Variants in FBH1 observed in about 807,000 individuals in gnomAD.
FBH1 encodes DNA 3'-5' helicase 1.
A neutral mutation model predicts 115.5 loss-of-function variants in FBH1; 43 were observed. The observed-to-expected ratio is 0.37, with a 90% CI of 0.29 to 0.48. The LOEUF is 0.48. Among genes scored for constraint, FBH1 ranks in the 20% least tolerant of loss-of-function variants. The probability of loss-of-function intolerance (pLI) is 0.99; values close to 1 mark genes in which losing one functional copy is unlikely to be tolerated. For missense variants in FBH1, 1,001 were observed against 1,337.3 expected, an observed-to-expected ratio of 0.75 and a Z score of 3.92; for synonymous variants, 524 against 507.8, an observed-to-expected ratio of 1.03 and a Z score of -0.43.
At position 5,906,507 on chromosome 10, in the gene FBH1, A is replaced by G; in HGVS notation, c.628A>G (p.Ser210Gly). 1 of 1,614,036 alleles carries G rather than the reference A, an allele frequency of 6.2e-7. No homozygotes were observed. The change falls in exon 3 of 21, where the codon AGC (serine) becomes GGC (glycine). Residue 210 changes from serine to glycine, a missense_variant. Coordinates refer to ENST00000362091, the MANE Select transcript of FBH1 (RefSeq NM_178150.3). The surrounding 1 kb of genome is among the most constrained non-coding windows in gnomAD (Gnocchi z 7.3). Reference protein sequence around the residue: ...LGTLPCQEALSHICSLPSEVL... With the variant: ...LGTLPCQEALGHICSLPSEVL... Reference sequence around the variant, plus strand: ...GACCTTGCCCTGCCAGGAAGCACTGAGCCACATTTGCAGCCTGCCTAGTGA... The same window carrying G: ...GACCTTGCCCTGCCAGGAAGCACTGGGCCACATTTGCAGCCTGCCTAGTGA...
rs1404562933 is a variant in FBH1 at position 5,906,488 on chromosome 10, G to T, written c.609G>T (p.Leu203Phe). The T allele has an allele frequency of 6.2e-7, 1 of 1,614,082 alleles. No homozygotes were observed. Among genetic ancestry groups the T allele is most frequent in the Non-Finnish European group, 8.5e-7 (1 of 1,180,006 alleles). ...PDSYYGLLGT[L>F]PCQEALSHIC... ...CATACTATGGGCTTCTTGGGACCTT[G>T]CCCTGCCAGGAAGCACTGAGCCACA... Residue 203 changes from leucine (L) to phenylalanine (F), a missense_variant, in exon 3 of 21, where the codon TTG becomes TTT. Physicochemically the swap from Leu to Phe is conservative, Grantham distance 22. Coordinates refer to ENST00000362091, the MANE Select transcript of FBH1 (RefSeq NM_178150.3). This position sits in a 1 kb window ranked among gnomAD's most constrained non-coding sequence, Gnocchi z 7.3.
chr10:5,914,405 C>G lies in FBH1; in HGVS notation c.1396+136C>G, dbSNP rs1289836294. The G allele has an allele frequency of 2.7e-6, 2 of 746,158 alleles. No individual in the cohort carries two copies. The highest frequency in any genetic ancestry group is 5.1e-5 in the Admixed American group (2 of 38,862). The allele number at this position is 746,158 out of a possible 1,614,324, so 46.2% of individuals were successfully genotyped here. A position where few individuals can be genotyped will look rare whatever the true frequency, so the allele number is the denominator to read the frequency against. ...ATAATTCAATAACAGATCAAATAAT[C>G]AATCTCAAAAGCAATTGGCCAAGGA... is the stretch of plus-strand genomic sequence containing the variant. On this transcript the variant is annotated intron_variant, in intron 8 of 20. Transcript: ENST00000362091. This position sits in a 1 kb window ranked among gnomAD's most constrained non-coding sequence, Gnocchi z 5.2.
At position 5,925,637 on chromosome 10, in the gene FBH1, C is replaced by G; in HGVS notation, c.2722+145C>G. 1 of 1,210,780 alleles carries G rather than the reference C, an allele frequency of 8.3e-7. No individual in the cohort carries two copies. The highest frequency in any genetic ancestry group is 1.1e-6 in the Non-Finnish European group (1 of 871,772). The allele number at this position is 1,210,780 out of a possible 1,614,324, so 75.0% of individuals were successfully genotyped here. A position where few individuals can be genotyped will look rare whatever the true frequency, so the allele number is the denominator to read the frequency against. On this transcript the variant is annotated intron_variant, in intron 18 of 20. Transcript: ENST00000362091. This position sits in a 1 kb window ranked among gnomAD's most constrained non-coding sequence, Gnocchi z 4.6. ...GAAAAACTAAACCACAAAACACCTC[C>G]TAGTCCTAAACTTTTGATTCTTATA...
chr10:5,893,889 A>T, intron 1 of FBH1: 1 of 692,840 alleles, frequency 1.4e-6, no homozygotes, highest in Non-Finnish European at 1.8e-6. Flanking sequence ...TTGACTGTAG[A>T]AAAAGCCTTT....
rs1332840636 is a variant in FBH1 at position 5,917,335 on chromosome 10, C to T, written c.1789-85C>T. 2 of 1,117,026 alleles carry T rather than the reference C, an allele frequency of 1.8e-6. No individual in the cohort carries two copies. Among genetic ancestry groups the T allele is most frequent in the South Asian group, 1.3e-5 (1 of 75,794 alleles). 69.2% of individuals were successfully genotyped at this position (1,117,026 alleles called of 1,614,324 possible). On this transcript the variant is annotated intron_variant, in intron 10 of 20. Transcript: ENST00000362091. This position sits in a 1 kb window ranked among gnomAD's most constrained non-coding sequence, Gnocchi z 5.6. Reference sequence around the variant, plus strand: ...CTGTGAGGATGCCCTGGCTCCACTGCTGTATGGGAGTTGACAGTGTGACCG... The same window carrying T: ...CTGTGAGGATGCCCTGGCTCCACTGTTGTATGGGAGTTGACAGTGTGACCG...
rs1832506867 is a variant in FBH1, at chr10:5,924,378, G to A, written c.2466G>A (p.Lys822=). Residue 822 remains lysine, a synonymous_variant, in exon 17 of 21, where the codon AAG becomes AAA. Coordinates refer to ENST00000362091, the MANE Select transcript of FBH1 (RefSeq NM_178150.3). This position sits in a 1 kb window ranked among gnomAD's most constrained non-coding sequence, Gnocchi z 6.2. ...WVHKEGFSGF[K]RYVTAAEDKE... is the part of the protein sequence containing the mutation. ...ACAAAGAAGGCTTTAGTGGCTTCAA[G>A]AGGTATGTGACCGCTGCCGAGGACA... 9.3e-6 allele frequency: 15 copies of A among 1,614,230 alleles called. No individual in the cohort carries two copies. Among genetic ancestry groups the A allele is most frequent in the Non-Finnish European group, 1.3e-5 (15 of 1,180,040 alleles).
rs183273539 is a variant in FBH1 at position 5,917,201 on chromosome 10, C to T, written c.1789-219C>T. 36 of 571,166 alleles carry T rather than the reference C, an allele frequency of 6.3e-5. No homozygotes were observed. The highest frequency in any genetic ancestry group is 7.6e-5 in the Non-Finnish European group (24 of 317,616). 35.4% of individuals were successfully genotyped at this position (571,166 alleles called of 1,614,324 possible). ...AACTGTTATGATCTCTGTCCTGTCA[C>T]GGGCATGGCACGGCCCGGCTGCTTC... is the stretch of plus-strand genomic sequence containing the variant. On this transcript the variant is annotated intron_variant, in intron 10 of 20. Coordinates refer to ENST00000362091, the MANE Select transcript of FBH1 (RefSeq NM_178150.3). The surrounding 1 kb of genome is among the most constrained non-coding windows in gnomAD (Gnocchi z 5.6).
chr10:5,894,553 T>A, intron 1 of FBH1: 1 of 808,994 alleles, frequency 1.2e-6, no homozygotes. Context: ...GGCACAATTG[T>A]AGGATTGCTT....
Position 5,937,457 on chromosome 10 carries a change from G to T in FBH1, c.*177G>T. The T allele has an allele frequency of 1.9e-6, 1 of 523,062 alleles. No individual in the cohort carries two copies. Among genetic ancestry groups the T allele is most frequent in the Non-Finnish European group, 3.1e-6 (1 of 325,342 alleles). The allele number at this position is 523,062 out of a possible 1,614,324, so 32.4% of individuals were successfully genotyped here. On this transcript the variant is annotated 3_prime_UTR_variant, in exon 21 of 21. Transcript: ENST00000362091. ...TTTCTCCACTCCCTACAGACAGCCA[G>T]TCTCCACTTGCCTCCCCTCTGGATG... is the stretch of plus-strand genomic sequence containing the variant.
rs1305151788 is a variant in FBH1, at chr10:5,900,638, T to G, written c.2-2382T>G. On this transcript the variant is annotated intron_variant, in intron 1 of 20. Coordinates refer to ENST00000362091, the MANE Select transcript of FBH1 (RefSeq NM_178150.3). The surrounding 1 kb of genome is among the most constrained non-coding windows in gnomAD (Gnocchi z 4.2). ...AATTGATTTTGGAAAAGTCTTAAAA[T>G]ATTCATGAAGTTTTTTTTTAAAAAA... is the stretch of plus-strand genomic sequence containing the variant. 6.6e-6 allele frequency among the ~76,000 whole-genome samples: 1 copy of G among 152,232 alleles called. No individual in the cohort carries two copies. The highest frequency in any genetic ancestry group is 1.5e-5 in the Non-Finnish European group (1 of 68,042).
intron 1 of FBH1, among the ~76,000 whole-genome samples, chr10:5,898,830 CAGAGTT>C (rs1269621482): frequency 6.6e-6 from 1 of 152,222 alleles, no homozygotes; most frequent in East Asian, 1.9e-4. Context: ...TATCTACATA[CAGAGTT>C]ACAGCAGTGA....
rs556423802 is a variant in FBH1, at chr10:5,917,524, T to A, written c.1876+17T>A. The A allele has an allele frequency of 2.8e-5, 45 of 1,613,900 alleles. No individual in the cohort carries two copies. In the African/African-American group the frequency reaches 5.3e-4, roughly 19 times the overall value. On this transcript the variant is annotated intron_variant, in intron 11 of 20. Transcript: ENST00000362091. The surrounding 1 kb of genome is among the most constrained non-coding windows in gnomAD (Gnocchi z 5.6). ...CTCATGACGGTAGGCGGCTGCCGAA[T>A]GGCGGGGACTGGCCAATGGGACTGC...
chr10:5,919,363 G>T (rs763547377), intron 13 of FBH1, among the ~76,000 whole-genome samples: 6 of 152,112 alleles, frequency 3.9e-5, no homozygotes, highest in Non-Finnish European at 8.8e-5. Flanking sequence ...GCTCCCGCCT[G>T]TAGTGTCAGC....
rs1435261725 is a variant in FBH1, at chr10:5,933,784, A to T, written c.2830-2672A>T. 6.6e-6 allele frequency among the ~76,000 whole-genome samples: 1 copy of T among 151,962 alleles called. No homozygotes were observed. Among genetic ancestry groups the T allele is most frequent in the African/African-American group, 2.4e-5 (1 of 41,356 alleles). On this transcript the variant is annotated intron_variant, in intron 19 of 20. Transcript: ENST00000362091. This position sits in a 1 kb window ranked among gnomAD's most constrained non-coding sequence, Gnocchi z 4.9. ...CAGCCTCTCAAGTAGCTGGTAGTAC[A>T]GGTGTACACCACCATACCTGGCTAA...
In FBH1 at chr10:5,933,031, T is replaced by C. The variant is rs1833049261; in HGVS notation, c.2830-3425T>C. On this transcript the variant is annotated intron_variant, in intron 19 of 20. Transcript: ENST00000362091. This position sits in a 1 kb window ranked among gnomAD's most constrained non-coding sequence, Gnocchi z 4.9. Reference sequence around the variant, plus strand: ...TGCACCTGGCCAAGTGTGACTTTTCTAGATGTTGCCAATTTTTTCATGGAG... The same window carrying C: ...TGCACCTGGCCAAGTGTGACTTTTCCAGATGTTGCCAATTTTTTCATGGAG... Among the ~76,000 whole-genome samples the C allele has an allele frequency of 6.6e-6, 1 of 152,156 alleles. No individual in the cohort carries two copies. The highest frequency in any genetic ancestry group is 1.5e-5 in the Non-Finnish European group (1 of 68,026).
intron 1 of FBH1, among the ~76,000 whole-genome samples, chr10:5,892,132 G>A (rs1842768384): frequency 6.6e-6 from 1 of 152,180 alleles, no homozygotes; most frequent in Non-Finnish European, 1.5e-5. Flanking sequence ...GGATGGAGCT[G>A]TTTCCTGGGT....
rs776295206 is a variant in FBH1 at position 5,927,559 on chromosome 10, C to A, written c.2829+18C>A. 1.3e-6 allele frequency: 2 copies of A among 1,590,882 alleles called. No individual in the cohort carries two copies. The highest frequency in any genetic ancestry group is 8.6e-7 in the Non-Finnish European group (1 of 1,161,368). ...TGGCTGGGGTAAGCAGAACGGGCAGCATGAGCTAACTTGATGCCATTGAAT... is the reference window on the plus strand; with the variant it reads ...TGGCTGGGGTAAGCAGAACGGGCAGAATGAGCTAACTTGATGCCATTGAAT... On this transcript the variant is annotated intron_variant, in intron 19 of 20. Transcript: ENST00000362091.
chr10:5,916,131 C>G, intron 9 of FBH1, 103 bp from the exon 10 acceptor site: 1 of 982,156 alleles, frequency 1.0e-6, no homozygotes, highest in East Asian at 2.4e-5. Flanking sequence ...CTGTGTGTGG[C>G]ACTTGAAGCT....
rs376075968 is a variant in FBH1, at chr10:5,896,266, G to C, written c.1+5920G>C. ...CATGGAGTGGGTCAGAGTGGGCTGG[G>C]AGGGGATAGACTGTCATCAAGGTGA... On this transcript the variant is annotated intron_variant, in intron 1 of 20. Coordinates refer to ENST00000362091, the MANE Select transcript of FBH1 (RefSeq NM_178150.3). 4.6e-5 allele frequency among the ~76,000 whole-genome samples: 7 copies of C among 152,154 alleles called. No individual in the cohort carries two copies. The East Asian group carries it at 5.8e-4, about 13-fold the overall frequency.
Sources: allele counts gnomAD v4.1 joint callset (sites outside exome capture counted in the v4.1 genomes callset), GRCh38; gene constraint gnomAD v4.1.1; non-coding constraint Gnocchi (gnomAD v3.1); transcripts MANE v1.5; gene names NCBI Gene and HGNC (gene_info 2026-07-23, HGNC 2026-07-21).